The following RTTN variants were observed in gnomAD, a reference collection of about 807,000 sequenced individuals.
RTTN encodes rotatin.
Under a neutral mutation model 269.2 loss-of-function variants are expected in RTTN, and 182 were observed. That is an observed-to-expected ratio of 0.68 (90% CI 0.60 to 0.76). The LOEUF is 0.76. Ranked by LOEUF, RTTN falls within the 30% of genes least tolerant of loss-of-function variation. RTTN has a pLI of 0.00. For synonymous variants in RTTN, 1,006 were observed against 963.5 expected (o/e 1.04, Z -0.82); for missense variants, 2,545 against 2,608.6 (o/e 0.98, Z 0.53).
rs577711298 is a variant in RTTN at position 70,105,238 on chromosome 18, G to A, written c.3903+4260C>T. ...CAGCCTCGCTGCCACCTTGCAGTTC[G>A]ATCTCAGACTGCTGTGCTAGCAGTG... is the stretch of plus-strand genomic sequence containing the variant. On this transcript the variant is annotated intron_variant, in intron 28 of 48. Transcript: ENST00000640769. Among the ~76,000 whole-genome samples the A allele has an allele frequency of 3.3e-5, 5 of 152,328 alleles. No homozygotes were observed. In the South Asian group the frequency reaches 6.2e-4, roughly 19 times the overall value.
intron 18 of RTTN, among the ~76,000 whole-genome samples, chr18:70,145,107 C>T (rs1228132493): frequency 6.6e-6 from 1 of 152,132 alleles, no homozygotes; most frequent in Non-Finnish European, 1.5e-5. Flanking sequence ...GAGTGCAAAC[C>T]GTATTGTGAG....
Position 70,169,037 on chromosome 18 carries a change from T to C in RTTN, c.1507A>G (p.Thr503Ala). The change falls in exon 12 of 49, where the codon ACA becomes GCA. Residue 503 changes from threonine (T) to alanine (A), a missense_variant. Coordinates refer to ENST00000640769, the MANE Select transcript of RTTN (RefSeq NM_173630.4). ...TCCAAAGAAAGGAGAAATAATGCTG[T>C]TGACATAGGCTCTGATAAAAACTCG... is the stretch of plus-strand genomic sequence containing the variant. ...ASEFLSEPMS[T>A]ALFLLSLDMP... The C allele has an allele frequency of 1.2e-6, 2 of 1,611,152 alleles. No individual in the cohort carries two copies. Among genetic ancestry groups the C allele is most frequent in the African/African-American group, 1.3e-5 (1 of 74,916 alleles).
intron 40 of RTTN, among the ~76,000 whole-genome samples, chr18:70,045,310 T>C (rs947143974): frequency 6.6e-6 from 1 of 152,194 alleles, no homozygotes; most frequent in East Asian, 1.9e-4. Flanking sequence ...GCCTATCATT[T>C]TGCACTTGAA....
At chr18:70,166,645 T>C (rs753826910) in intron 13 of RTTN, 4 of 309,724 alleles carry the variant, frequency 1.3e-5, no homozygotes, top group Admixed American at 4.8e-5. Flanking sequence ...GTGTGAATAG[T>C]CTGGATGGAT....
intron 21 of RTTN, 116 bp downstream of exon 21, chr18:70,139,483 C>G (rs753465452): frequency 1.0e-4 from 68 of 664,728 alleles, no homozygotes; most frequent in Non-Finnish European, 1.4e-4. Flanking sequence ...AGTGTATTCA[C>G]TAATAAATGC....
rs1209852379 is a variant in RTTN at position 70,190,557 on chromosome 18, A to G, written c.1170T>C (p.Ala390=). 1.2e-6 allele frequency: 2 copies of G among 1,612,794 alleles called. No individual in the cohort carries two copies. The highest frequency in any genetic ancestry group is 1.7e-6 in the Non-Finnish European group (2 of 1,178,926). Residue 390 remains alanine (A), a synonymous_variant, in exon 9 of 49, where the codon GCT becomes GCC. Transcript: ENST00000640769. The part of the protein sequence containing the change: ...PQFCVSILES[A]VPLLRTGSRQ... ...ACTAACCTGTTCTTAAGAGAGGAACAGCTGATTCCAGAATGGAGACACAAA... is the reference window on the plus strand; with the variant it reads ...ACTAACCTGTTCTTAAGAGAGGAACGGCTGATTCCAGAATGGAGACACAAA...
Position 70,150,185 on chromosome 18 carries a change from A to G in RTTN, c.2056-98T>C. 16 of 694,008 alleles carry G rather than the reference A, an allele frequency of 2.3e-5. No individual in the cohort carries two copies. In the South Asian group the frequency reaches 2.5e-4, roughly 11 times the overall value. The allele number at this position is 694,008 out of a possible 1,614,324, so 43.0% of individuals were successfully genotyped here. On this transcript the variant is annotated intron_variant, in intron 15 of 48. Coordinates refer to ENST00000640769, the MANE Select transcript of RTTN (RefSeq NM_173630.4). ...ATTTTATAGCATGTGGAAAGATGCTATAATTAACATCTCTTTCTTTCAAAT... is the reference window on the plus strand; with the variant it reads ...ATTTTATAGCATGTGGAAAGATGCTGTAATTAACATCTCTTTCTTTCAAAT...
At chr18:70,044,770 C>G (rs2057446119) in intron 40 of RTTN, among the ~76,000 whole-genome samples, 1 of 152,168 alleles carries the variant, frequency 6.6e-6, no homozygotes, top group South Asian at 2.1e-4. Flanking sequence ...GGGCACGTAT[C>G]ATATGCAGCA....
chr18:70,181,711 G>A (rs914862984), intron 10 of RTTN, among the ~76,000 whole-genome samples: 6 of 151,998 alleles, frequency 3.9e-5, no homozygotes, highest in African/African-American at 1.2e-4. Flanking sequence ...TACTGCTTCC[G>A]TCTTTCTTTT....
chr18:70,072,735 CAA>C (rs1190321019), intron 34 of RTTN, among the ~76,000 whole-genome samples: 1 of 152,076 alleles, frequency 6.6e-6, no homozygotes, highest in African/African-American at 2.4e-5. Flanking sequence ...AATAGGCTAA[CAA>C]ACAAAATTTA....
chr18:70,114,954 G>A (rs946775087), intron 26 of RTTN, among the ~76,000 whole-genome samples: 22 of 151,784 alleles, frequency 1.4e-4, no homozygotes, highest in African/African-American at 5.3e-4. Context: ...CCCGTATCAA[G>A]TGAAAAAAAT....
chr18:70,054,056 A>G, intron 38 of RTTN, 75 bp downstream of exon 38: 1 of 1,239,254 alleles, frequency 8.1e-7, no homozygotes, highest in African/African-American at 1.5e-5. Context: ...CCTTCAAGTG[A>G]ATATCTGAAA....
intron 5 of RTTN, among the ~76,000 whole-genome samples, chr18:70,198,128 GA>G (rs1442087663): frequency 1.3e-5 from 2 of 152,282 alleles, no homozygotes; most frequent in African/African-American, 4.8e-5. Flanking sequence ...CAAAAGTACA[GA>G]GGCAAATTCT....
intron 11 of RTTN, among the ~76,000 whole-genome samples, chr18:70,170,134 T>G (rs2061099244): frequency 6.6e-6 from 1 of 152,172 alleles, no homozygotes; most frequent in African/African-American, 2.4e-5. Context: ...TTCCTTTTTT[T>G]TGTGGGCGGG....
intron 30 of RTTN, among the ~76,000 whole-genome samples, chr18:70,090,421 GTC>G (rs10570418): frequency 0.75 from 113,452 of 152,000 alleles, 49,490 homozygotes; most frequent in East Asian, 1. Flanking sequence ...CATAAATGTG[GTC>G]TCTCTCTCAA....
At chr18:70,042,445 T>G (rs1368106966) in intron 40 of RTTN, among the ~76,000 whole-genome samples, 4 of 145,882 alleles carry the variant, frequency 2.7e-5, no homozygotes. Context: ...GCGTGATCTC[T>G]GCTCACTGCA....
intron 32 of RTTN, 67 bp from the exon 33 acceptor site, chr18:70,075,608 T>C (rs1372870552): frequency 1.2e-5 from 16 of 1,297,118 alleles, no homozygotes; most frequent in East Asian, 2.6e-5. Flanking sequence ...AAAAGATCCA[T>C]TGTCTCCTCT....
At chr18:70,202,044 C>T in intron 3 of RTTN, 61 bp from the exon 4 acceptor site, 2 of 979,220 alleles carry the variant, frequency 2.0e-6, no homozygotes, top group Non-Finnish European at 3.1e-6. Context: ...GTGAAACTTA[C>T]TTTCTTTAAG....
At chr18:70,109,340 AC>A (rs1392710772) in intron 28 of RTTN, among the ~76,000 whole-genome samples, 157 bp downstream of exon 28, 7 of 152,214 alleles carry the variant, frequency 4.6e-5, no homozygotes, top group Admixed American at 3.3e-4. Context: ...TCCTTACTTA[AC>A]TATTAATAAA....
Sources: allele counts gnomAD v4.1 joint callset (sites outside exome capture counted in the v4.1 genomes callset), GRCh38; gene constraint gnomAD v4.1.1; transcripts MANE v1.5; gene names NCBI Gene and HGNC (gene_info 2026-07-23, HGNC 2026-07-21).